Variants in ANXA10 observed in about 807,000 individuals in gnomAD.
ANXA10 encodes the protein annexin A10.
In ANXA10, 49 loss-of-function variants were observed where a neutral mutation model predicts 53.5. The observed-to-expected ratio is 0.92, with a 90% CI of 0.73 to 1.16. The LOEUF is 1.16. Among genes scored for constraint, ANXA10 ranks in the 50% most tolerant of loss-of-function variants. The pLI, the probability that ANXA10 is intolerant of heterozygous loss-of-function variation, is 0.00. For missense variants in ANXA10, 393 were observed against 394.4 expected (o/e 1.00, Z 0.03); for synonymous variants, 131 against 128.9 (o/e 1.02, Z -0.11).
In ANXA10 at chr4:168,178,134, G is replaced by A. The variant is rs1732169810; in HGVS notation, c.628+151G>A. On this transcript the variant is annotated intron_variant, in intron 8 of 11. Coordinates refer to ENST00000359299, the MANE Select transcript of ANXA10 (RefSeq NM_007193.5). ...TTATTTTGAATTTTGTTTATAAGATGTGCCTTATTTAATGACATTACTAAG... is the reference window on the plus strand; with the variant it reads ...TTATTTTGAATTTTGTTTATAAGATATGCCTTATTTAATGACATTACTAAG... 4.6e-6 allele frequency: 3 copies of A among 658,912 alleles called. No homozygotes were observed. The East Asian group carries it at 8.3e-5, about 18-fold the overall frequency. 40.8% of individuals were successfully genotyped at this position (658,912 alleles called of 1,614,324 possible).
chr4:168,147,025 C>T (rs552851792), intron 3 of ANXA10, among the ~76,000 whole-genome samples: 195 of 152,302 alleles, frequency 1.3e-3, no homozygotes, highest in African/African-American at 4.6e-3. Context: ...CAGGCCATGG[C>T]ATTTAGGGCA....
At chr4:168,111,844 A>G (rs894431417) in intron 1 of ANXA10, among the ~76,000 whole-genome samples, 2 of 152,354 alleles carry the variant, frequency 1.3e-5, no homozygotes, top group African/African-American at 4.8e-5. Flanking sequence ...ATAATATAGT[A>G]CTGATCAATA....
chr4:168,174,129 A>T (rs978104945), intron 6 of ANXA10, among the ~76,000 whole-genome samples: 3 of 152,052 alleles, frequency 2.0e-5, no homozygotes, highest in African/African-American at 7.2e-5. Context: ...TTCTCCTTGG[A>T]TGTGGGACAA....
chr4:168,119,779 T>C (rs1730956055), intron 1 of ANXA10, among the ~76,000 whole-genome samples: 1 of 152,134 alleles, frequency 6.6e-6, no homozygotes, highest in East Asian at 1.9e-4. Flanking sequence ...TGAAATTTGG[T>C]TGTGTCCCCC....
intron 3 of ANXA10, among the ~76,000 whole-genome samples, chr4:168,141,039 T>C (rs1255503416): frequency 6.6e-6 from 1 of 152,232 alleles, no homozygotes; most frequent in Non-Finnish European, 1.5e-5. Flanking sequence ...TACAAAACTA[T>C]GCTAAAGCAG....
At chr4:168,138,066 A>G (rs564964138) in intron 2 of ANXA10, among the ~76,000 whole-genome samples, 1 of 151,542 alleles carries the variant, frequency 6.6e-6, no homozygotes, top group East Asian at 2.0e-4. Context: ...GGTTCAAGCA[A>G]TTCTCCTGCC....
intron 2 of ANXA10, among the ~76,000 whole-genome samples, chr4:168,135,991 G>T (rs1731231402): frequency 6.6e-6 from 1 of 152,142 alleles, no homozygotes; most frequent in Non-Finnish European, 1.5e-5. Flanking sequence ...ATGGCAGAAG[G>T]CAAAGGGGAA....
chr4:168,103,325 T>C (rs1484585806), intron 1 of ANXA10, among the ~76,000 whole-genome samples: 2 of 152,032 alleles, frequency 1.3e-5, no homozygotes, highest in Non-Finnish European at 2.9e-5. Context: ...TGACAAATTT[T>C]GAATCAATTT....
In ANXA10 at chr4:168,128,125, A is replaced by C; in HGVS notation, c.60A>C (p.Ile20=). The C allele has an allele frequency of 6.2e-7, 1 of 1,613,524 alleles. No homozygotes were observed. Among genetic ancestry groups the C allele is most frequent in the Admixed American group, 1.7e-5 (1 of 59,912 alleles). ...TIFPAPNFNP[I]MDAQMLGGAL... is the part of the protein sequence containing the mutation. ...TCCCAGCTCCCAATTTCAATCCCAT[A>C]ATGGATGCCCAAATGCTAGGAGGAG... The change falls in exon 2 of 12, where the codon ATA becomes ATC. Residue 20 remains isoleucine (I), a synonymous_variant. Coordinates refer to ENST00000359299, the MANE Select transcript of ANXA10 (RefSeq NM_007193.5).
chr4:168,101,979 C>A (rs918115441), intron 1 of ANXA10, among the ~76,000 whole-genome samples: 1 of 152,118 alleles, frequency 6.6e-6, no homozygotes, highest in Non-Finnish European at 1.5e-5. Flanking sequence ...CTATCAATAT[C>A]TGAAACCTGT....
chr4:168,179,311 T>C lies in ANXA10; in HGVS notation c.723T>C (p.Ile241=). ...ACTTTCAGGAGCTGCTGGTTGCAAT[T>C]GGTAAGTAATAAATTATTTGAAGCA... ...DGYFQELLVA[I]VLCVRDKPAY... The change falls in exon 9 of 12, where the codon ATT becomes ATC. Residue 241 remains isoleucine (I), a splice_region_variant and synonymous_variant. Coordinates refer to ENST00000359299, the MANE Select transcript of ANXA10 (RefSeq NM_007193.5). The C allele has an allele frequency of 6.3e-7, 1 of 1,594,372 alleles. No individual in the cohort carries two copies. Among genetic ancestry groups the C allele is most frequent in the African/African-American group, 1.3e-5 (1 of 74,610 alleles).
Position 168,187,558 on chromosome 4 carries a change from A to T in ANXA10, c.*124A>T, listed in dbSNP as rs1347860994. 1.9e-6 allele frequency: 1 copy of T among 537,528 alleles called. No individual in the cohort carries two copies. Among genetic ancestry groups the T allele is most frequent in the African/African-American group, 2.0e-5 (1 of 50,782 alleles). The allele number at this position is 537,528 out of a possible 1,614,324, so 33.3% of individuals were successfully genotyped here. ...ACTATACAATCATATTTTCTCTTCT[A>T]TCTTTGAAATTATTCTAAGCCAAAG... On this transcript the variant is annotated 3_prime_UTR_variant, in exon 12 of 12. Coordinates refer to ENST00000359299, the MANE Select transcript of ANXA10 (RefSeq NM_007193.5).
At chr4:168,136,424 T>G (rs1731238217) in intron 2 of ANXA10, among the ~76,000 whole-genome samples, 1 of 152,142 alleles carries the variant, frequency 6.6e-6, no homozygotes, top group Non-Finnish European at 1.5e-5. Context: ...TTACTTCCAA[T>G]GTACAATTGG....
At chr4:168,135,908 A>T (rs1016998801) in intron 2 of ANXA10, among the ~76,000 whole-genome samples, 1 of 152,224 alleles carries the variant, frequency 6.6e-6, no homozygotes, top group South Asian at 2.1e-4. Context: ...TAAAGAAAAG[A>T]CATTTAATTG....
intron 6 of ANXA10, among the ~76,000 whole-genome samples, chr4:168,173,519 A>C (rs1420528098): frequency 1.3e-5 from 2 of 152,234 alleles, no homozygotes; most frequent in African/African-American, 4.8e-5. Context: ...AGGTAGAAAC[A>C]GAAGCCTGTA....
Position 168,156,179 on chromosome 4 carries a change from TA to T in ANXA10, c.196-6348del, listed in dbSNP as rs1370891316. On this transcript the variant is annotated intron_variant, in intron 3 of 11. Transcript: ENST00000359299. ...ATTATATATTATATATATTATATTA[TA>T]TATTATATATTATATATAATATATA... Among the ~76,000 whole-genome samples, 90 of 21,840 alleles carry T rather than the reference TA, an allele frequency of 4.1e-3. 4 individuals are homozygous for T. The highest frequency in any genetic ancestry group is 0.02 in the African/African-American group (78 of 3,810). The allele number at this position is 21,840 out of a possible 152,430, so 14.3% of individuals were successfully genotyped here. A position where few individuals can be genotyped will look rare whatever the true frequency, so the allele number is the denominator to read the frequency against.
rs1731292310 is a variant in ANXA10, at chr4:168,139,491, G to A, written c.106G>A (p.Asp36Asn). ...LGGALQGFDC[D>N]KDMLINILTQ... Reference sequence around the variant, plus strand: ...CAAATATTATTCTTTTCCAGACTGTGACAAAGACATGCTGATCAACATTCT... The same window carrying A: ...CAAATATTATTCTTTTCCAGACTGTAACAAAGACATGCTGATCAACATTCT... The change falls in exon 3 of 12, where the codon GAC becomes AAC. Residue 36 changes from aspartate to asparagine, a missense_variant. Transcript: ENST00000359299. 1.2e-6 allele frequency: 2 copies of A among 1,611,886 alleles called. No individual in the cohort carries two copies. Among genetic ancestry groups the A allele is most frequent in the Non-Finnish European group, 1.7e-6 (2 of 1,178,438 alleles).
At chr4:168,092,990 A>G (rs1340002438) in intron 1 of ANXA10, among the ~76,000 whole-genome samples, 1 of 152,124 alleles carries the variant, frequency 6.6e-6, no homozygotes, top group African/African-American at 2.4e-5. Flanking sequence ...AAGAAAACTG[A>G]AGATTAAAGA....
intron 6 of ANXA10, 114 bp downstream of exon 6, chr4:168,165,440 T>C: frequency 2.1e-6 from 1 of 473,050 alleles, no homozygotes; most frequent in South Asian, 7.0e-5. Flanking sequence ...TACAGTTCAA[T>C]AGTAAATTCT....
Sources: gnomAD v4.1 joint callset for allele counts (sites outside exome capture counted in the v4.1 genomes callset) on GRCh38, gnomAD v4.1.1 for gene constraint, MANE v1.5 for transcripts, NCBI Gene and HGNC (gene_info 2026-07-23, HGNC 2026-07-21) for gene names.